LRRC28: variants seen among roughly 807,000 people sequenced by gnomAD.
LRRC28 encodes the protein leucine rich repeat containing 28, also known as leucine-rich repeat-containing protein 28.
In LRRC28, 39 loss-of-function variants were observed where a neutral mutation model predicts 45.7. The ratio of observed to expected loss-of-function variants is 0.85; its 90% CI spans 0.66 to 1.12. LRRC28 has a LOEUF of 1.12. Ranked by LOEUF, LRRC28 falls within the 50% of genes most tolerant of loss-of-function variation. The pLI, the probability that LRRC28 is intolerant of heterozygous loss-of-function variation, is 0.00. For synonymous variants in LRRC28, 206 were observed against 178.8 expected (o/e 1.15, Z -1.22); for missense variants, 435 against 438.5 (o/e 0.99, Z 0.07).
chr15:99,324,792 A>G (rs1955916220), intron 5 of LRRC28, among the ~76,000 whole-genome samples: 1 of 152,230 alleles, frequency 6.6e-6, no homozygotes, highest in Non-Finnish European at 1.5e-5. Context: ...TAAGGTGTAC[A>G]GACTTATGTT....
At chr15:99,356,380 A>T (rs1311612361) in intron 7 of LRRC28, among the ~76,000 whole-genome samples, 1 of 152,188 alleles carries the variant, frequency 6.6e-6, no homozygotes, top group African/African-American at 2.4e-5. Context: ...GAAATTCTAG[A>T]ATTGAAAACA....
At chr15:99,334,577 A>T (rs1956263609) in intron 6 of LRRC28, among the ~76,000 whole-genome samples, 1 of 152,150 alleles carries the variant, frequency 6.6e-6, no homozygotes, top group Non-Finnish European at 1.5e-5. Flanking sequence ...TAAAACTTTA[A>T]AGACCTTAAA....
At chr15:99,285,266 T>C in intron 3 of LRRC28, 5 of 735,482 alleles carry the variant, frequency 6.8e-6, no homozygotes, top group South Asian at 4.0e-5. Context: ...AAATATCTTT[T>C]TCACAGTTAA....
chr15:99,282,177 G>GTTTTTTTTTTTTTTTTTTTTTT (rs766338889), intron 3 of LRRC28, among the ~76,000 whole-genome samples: 1,039 of 97,882 alleles, frequency 0.011, 160 homozygotes, highest in African/African-American at 0.036. Flanking sequence ...ATTTTTGGAG[G>GTTTTTTTTTTTTTTTTTTTTTT]TTTTTTTTTT....
intron 9 of LRRC28, among the ~76,000 whole-genome samples, chr15:99,379,047 G>T (rs556097441): frequency 6.6e-6 from 1 of 151,950 alleles, no homozygotes; most frequent in East Asian, 1.9e-4. Flanking sequence ...GATGATGCTG[G>T]CCTCATAAAA....
chr15:99,378,524 C>A (rs1182621979), intron 9 of LRRC28, among the ~76,000 whole-genome samples: 1 of 152,084 alleles, frequency 6.6e-6, no homozygotes, highest in Non-Finnish European at 1.5e-5. Context: ...AATTCAGTAC[C>A]CTTTATTTAT....
chr15:99,318,938 G>C (rs1329062696), intron 5 of LRRC28, among the ~76,000 whole-genome samples: 1 of 151,962 alleles, frequency 6.6e-6, no homozygotes, highest in Non-Finnish European at 1.5e-5. Flanking sequence ...GAAAGAAACT[G>C]GAGTGAATCA....
At chr15:99,276,745 T>C in intron 3 of LRRC28, 129 bp downstream of exon 3, 1 of 587,830 alleles carries the variant, frequency 1.7e-6, no homozygotes, top group Non-Finnish European at 2.7e-6. Flanking sequence ...GGTACTCATG[T>C]AGGTAGACCT....
chr15:99,342,380 G>T (rs1359592622), intron 6 of LRRC28, among the ~76,000 whole-genome samples: 1 of 152,188 alleles, frequency 6.6e-6, no homozygotes, highest in Admixed American at 6.5e-5. Context: ...CCGTCATGGT[G>T]AAACAGGCAG....
At chr15:99,278,400 A>T (rs897845672) in intron 3 of LRRC28, among the ~76,000 whole-genome samples, 1 of 152,184 alleles carries the variant, frequency 6.6e-6, no homozygotes, top group African/African-American at 2.4e-5. Context: ...GGCATCCGCC[A>T]CCACGCCTGG....
chr15:99,383,902 A>G (rs1957905577), intron 9 of LRRC28, among the ~76,000 whole-genome samples: 1 of 152,118 alleles, frequency 6.6e-6, no homozygotes, highest in Admixed American at 6.5e-5. Context: ...GGCTTCTGTT[A>G]ACCATTCCCA....
At chr15:99,293,812 A>G (rs1015432810) in intron 5 of LRRC28, among the ~76,000 whole-genome samples, 15 of 151,856 alleles carry the variant, frequency 9.9e-5, no homozygotes, top group African/African-American at 3.6e-4. Context: ...TTTAGTTTCC[A>G]TCTGTCATTT....
intron 3 of LRRC28, chr15:99,286,670 T>G (rs1418164617): frequency 2.0e-5 from 3 of 152,418 alleles, no homozygotes; most frequent in Non-Finnish European, 4.4e-5. Context: ...CTTCTCAGCC[T>G]CTGTGAAAAA....
chr15:99,283,127 A>G (rs2081854714), intron 3 of LRRC28, among the ~76,000 whole-genome samples: 1 of 152,066 alleles, frequency 6.6e-6, no homozygotes, highest in East Asian at 1.9e-4. Context: ...TCCTCACCTA[A>G]GGTGATCCAC....
intron 5 of LRRC28, among the ~76,000 whole-genome samples, chr15:99,326,973 A>G (rs927035242): frequency 6.6e-6 from 1 of 152,200 alleles, no homozygotes. Flanking sequence ...CTCCTTAAAT[A>G]TATAATAGAA....
At chr15:99,332,201 TAGAC>T (rs1360890921) in intron 5 of LRRC28, among the ~76,000 whole-genome samples, 1 of 152,194 alleles carries the variant, frequency 6.6e-6, no homozygotes, top group Non-Finnish European at 1.5e-5. Context: ...GTGAAAGAGA[TAGAC>T]AGGCTTAGCA....
intron 2 of LRRC28, chr15:99,259,216 A>C (rs2152124188): frequency 1.0e-5 from 11 of 1,086,464 alleles, no homozygotes; most frequent in Middle Eastern, 2.0e-4. Context: ...TGAAGGAAAA[A>C]CAAGACAAAA....
At chr15:99,268,775 T>G (rs1597183946) in intron 2 of LRRC28, among the ~76,000 whole-genome samples, 1 of 152,234 alleles carries the variant, frequency 6.6e-6, no homozygotes, top group East Asian at 1.9e-4. Context: ...TATTCTATTT[T>G]TGTGTGTATT....
chr15:99,267,269 C>G (rs1211103429), intron 2 of LRRC28, among the ~76,000 whole-genome samples: 1 of 152,112 alleles, frequency 6.6e-6, no homozygotes, highest in African/African-American at 2.4e-5. Flanking sequence ...ATATCCGCCA[C>G]CCCCTCCTTG....
Sources: allele counts gnomAD v4.1 joint callset (sites outside exome capture counted in the v4.1 genomes callset), GRCh38; gene constraint gnomAD v4.1.1; transcripts MANE v1.5; gene names NCBI Gene and HGNC (gene_info 2026-07-23, HGNC 2026-07-21).